Variants in PALLD observed in about 807,000 individuals in gnomAD.
PALLD encodes palladin.
PALLD carries 61 observed loss-of-function variants against 123.5 expected under a neutral mutation model. The observed-to-expected ratio is 0.49, with a 90% CI of 0.40 to 0.61. The LOEUF is 0.61. Ranked by LOEUF, PALLD falls within the 20% of genes least tolerant of loss-of-function variation. The pLI is 0.00. For missense variants in PALLD, 1,273 were observed against 1,377.0 expected, an observed-to-expected ratio of 0.92 and a Z score of 1.20; for synonymous variants, 465 against 496.4, an observed-to-expected ratio of 0.94 and a Z score of 0.84.
intron 10 of PALLD, among the ~76,000 whole-genome samples, chr4:168,834,912 A>G (rs1744903813): frequency 6.6e-6 from 1 of 152,250 alleles, no homozygotes; most frequent in Admixed American, 6.5e-5. Context: ...GTTACAGTAA[A>G]CCTTTGACTC....
chr4:168,547,185 C>T (rs1255479673), intron 2 of PALLD, among the ~76,000 whole-genome samples: 2 of 152,128 alleles, frequency 1.3e-5, no homozygotes, highest in Admixed American at 6.5e-5. Flanking sequence ...AGCCCTGGAC[C>T]GTCGCCCCAC....
intron 10 of PALLD, among the ~76,000 whole-genome samples, chr4:168,810,417 G>A (rs1250416124): frequency 2.0e-5 from 3 of 152,122 alleles, no homozygotes; most frequent in Non-Finnish European, 4.4e-5. Flanking sequence ...CACTTTGGGA[G>A]GCCAAGGCTG....
At chr4:168,716,905 G>GTTGT (rs1785417557) in intron 10 of PALLD, among the ~76,000 whole-genome samples, 1 of 152,148 alleles carries the variant, frequency 6.6e-6, no homozygotes, top group Non-Finnish European at 1.5e-5. Context: ...TGAAGTACAA[G>GTTGT]TTGTTCCCTT....
At chr4:168,878,363 G>A (rs1752117708) in intron 10 of PALLD, 3 of 1,515,740 alleles carry the variant, frequency 2.0e-6, no homozygotes, top group Admixed American at 2.0e-5. Context: ...GGCCGTCAAC[G>A]CCCTGGGGCT....
intron 8 of PALLD, among the ~76,000 whole-genome samples, chr4:168,707,306 A>T (rs1184438722): frequency 2.0e-5 from 3 of 152,208 alleles, no homozygotes; most frequent in Admixed American, 6.5e-5. Context: ...CGGTGGGTGA[A>T]CTATTTGGCT....
intron 2 of PALLD, among the ~76,000 whole-genome samples, chr4:168,554,117 G>T (rs181829881): frequency 6.6e-6 from 1 of 152,262 alleles, no homozygotes; most frequent in Admixed American, 6.5e-5. Context: ...ACATCCTTCG[G>T]CTTGTACATG....
chr4:168,907,934 A>G (rs1213418417), intron 15 of PALLD, among the ~76,000 whole-genome samples: 1 of 152,308 alleles, frequency 6.6e-6, no homozygotes, highest in East Asian at 1.9e-4. Context: ...TCCAAAGATC[A>G]GTTGACACTC....
At chr4:168,772,260 T>C (rs190021928) in intron 10 of PALLD, among the ~76,000 whole-genome samples, 7 of 152,242 alleles carry the variant, frequency 4.6e-5, no homozygotes, top group Admixed American at 2.0e-4. Flanking sequence ...TCTAGGCTCC[T>C]AACACAATGC....
intron 2 of PALLD, among the ~76,000 whole-genome samples, chr4:168,655,079 A>G (rs1262037109): frequency 1.3e-5 from 2 of 152,224 alleles, no homozygotes; most frequent in South Asian, 2.1e-4. Flanking sequence ...TGCAAGGTCC[A>G]TAAGTGCTAC....
At chr4:168,606,637 C>T (rs1261273176) in intron 2 of PALLD, among the ~76,000 whole-genome samples, 2 of 144,920 alleles carry the variant, frequency 1.4e-5, no homozygotes, top group Admixed American at 7.1e-5. Flanking sequence ...GCACTCCAGC[C>T]TGGGGGACAG....
At chr4:168,892,385 A>G (rs921905975) in intron 11 of PALLD, among the ~76,000 whole-genome samples, 9 of 152,190 alleles carry the variant, frequency 5.9e-5, no homozygotes, top group African/African-American at 2.2e-4. Flanking sequence ...TTTTCTGAGA[A>G]TTTTAATTAT....
At chr4:168,709,198 T>G in intron 9 of PALLD, 51 bp downstream of exon 9, 1 of 1,602,062 alleles carries the variant, frequency 6.2e-7, no homozygotes, top group Non-Finnish European at 8.5e-7. Flanking sequence ...AGCACCAGTG[T>G]GGATGGCCAC....
At chr4:168,558,484 C>T (rs574675906) in intron 2 of PALLD, among the ~76,000 whole-genome samples, 1 of 152,332 alleles carries the variant, frequency 6.6e-6, no homozygotes, top group South Asian at 2.1e-4. Flanking sequence ...CCTCCCTCAG[C>T]TCTTTCACAA....
chr4:168,609,375 C>T (rs1268530222), intron 2 of PALLD, among the ~76,000 whole-genome samples: 2 of 134,526 alleles, frequency 1.5e-5, no homozygotes, highest in African/African-American at 5.6e-5. Flanking sequence ...AAAAAGTTCT[C>T]CAGGTGGATG....
intron 2 of PALLD, among the ~76,000 whole-genome samples, chr4:168,525,527 G>A (rs1017877085): frequency 6.6e-6 from 1 of 152,146 alleles, no homozygotes; most frequent in African/African-American, 2.4e-5. Flanking sequence ...CATTTGTGCT[G>A]CCCCATTGTA....
At chr4:168,896,239 C>T (rs925629459) in intron 12 of PALLD, among the ~76,000 whole-genome samples, 6 of 150,248 alleles carry the variant, frequency 4.0e-5, no homozygotes, top group Non-Finnish European at 8.9e-5. Context: ...ATTTAATACA[C>T]CTAACCTACT....
chr4:168,774,456 G>T (rs62334291), intron 10 of PALLD, among the ~76,000 whole-genome samples: 1 of 152,012 alleles, frequency 6.6e-6, no homozygotes, highest in African/African-American at 2.4e-5. Context: ...GGCTGAGTGC[G>T]GTGGCTCATG....
At chr4:168,585,021 T>C (rs1379067257) in intron 2 of PALLD, among the ~76,000 whole-genome samples, 1 of 152,166 alleles carries the variant, frequency 6.6e-6, no homozygotes, top group Non-Finnish European at 1.5e-5. Flanking sequence ...ATAATAGTTA[T>C]TTATGATAAA....
At chr4:168,904,187 A>C (rs1338776473) in intron 15 of PALLD, 1 of 415,814 alleles carries the variant, frequency 2.4e-6, no homozygotes, top group Non-Finnish European at 4.5e-6. Flanking sequence ...GCAGTGGTAG[A>C]CTGGACAAAG....
Sources: allele counts gnomAD v4.1 joint callset (sites outside exome capture counted in the v4.1 genomes callset), GRCh38; gene constraint gnomAD v4.1.1; transcripts MANE v1.5; gene names NCBI Gene and HGNC (gene_info 2026-07-23, HGNC 2026-07-21).